Variants in COL11A1 observed in about 807,000 individuals in gnomAD.
The protein encoded by COL11A1 is collagen alpha-1(XI) chain.
Under a neutral mutation model 265.2 loss-of-function variants are expected in COL11A1, and 74 were observed. The ratio of observed to expected loss-of-function variants is 0.28; its 90% CI spans 0.23 to 0.34. The LOEUF (loss-of-function observed/expected upper bound fraction) is 0.34, where lower values mean the gene tolerates loss of function less well. COL11A1 is among the 10% of genes least tolerant of loss of function. The pLI is 1.00. For missense variants in COL11A1, 2,165 were observed against 2,263.6 expected (o/e 0.96, Z 0.88); for synonymous variants, 816 against 727.6 (o/e 1.12, Z -1.96).
rs897563425 is a variant in COL11A1 at position 103,085,414 on chromosome 1, A to G, written c.107-2442T>C. On this transcript the variant is annotated intron_variant, in intron 1 of 66. Coordinates refer to ENST00000370096, the MANE Select transcript of COL11A1 (RefSeq NM_001854.4). ...CAGACTGGGACCATTTAGAGACAGCAATTCTCTGTACACATTTTGGGGATG... is the reference window on the plus strand; with the variant it reads ...CAGACTGGGACCATTTAGAGACAGCGATTCTCTGTACACATTTTGGGGATG... 3.3e-5 allele frequency among the ~76,000 whole-genome samples: 5 copies of G among 152,170 alleles called. No individual in the cohort carries two copies. In the East Asian group the frequency reaches 9.7e-4, roughly 29 times the overall value.
At chr1:103,033,214 C>T (rs565548163) in intron 4 of COL11A1, among the ~76,000 whole-genome samples, 4 of 152,000 alleles carry the variant, frequency 2.6e-5, no homozygotes, top group East Asian at 3.9e-4. Context: ...ATGGACATGC[C>T]GCAGTTTATC....
At chr1:102,956,905 T>C (rs954204128) in intron 41 of COL11A1, among the ~76,000 whole-genome samples, 10 of 151,666 alleles carry the variant, frequency 6.6e-5, no homozygotes, top group Non-Finnish European at 1.0e-4. Context: ...TCAGTTAATA[T>C]TTAAAAAAAT....
intron 37 of COL11A1, among the ~76,000 whole-genome samples, chr1:102,968,139 T>C (rs181916367): frequency 1.5e-3 from 228 of 152,354 alleles, no homozygotes; most frequent in African/African-American, 4.7e-3. Context: ...CAAGTTGTGC[T>C]TGTTCAATAT....
intron 4 of COL11A1, among the ~76,000 whole-genome samples, chr1:103,039,985 T>C (rs1485202867): frequency 6.6e-6 from 1 of 151,816 alleles, no homozygotes; most frequent in African/African-American, 2.4e-5. Flanking sequence ...CACCCCTCAG[T>C]CCACTGAAGA....
chr1:103,008,508 A>T lies in COL11A1; in HGVS notation c.1638T>A (p.Pro546=), dbSNP rs1291975517. The stretch of plus-strand genomic sequence containing the variant: ...TCTCACCTTTGGCCCCAGATGAACC[A>T]GGCCCCCCCTATAGAGAAAAAGTGA... ...LTGRPGPVGG[P]GSSGAKGESG... is the part of the protein sequence containing the mutation. Residue 546 remains proline, a synonymous_variant, in exon 15 of 67, where the codon CCT becomes CCA. Transcript: ENST00000370096. 6.2e-7 allele frequency: 1 copy of T among 1,613,886 alleles called. No homozygotes were observed. Among genetic ancestry groups the T allele is most frequent in the Admixed American group, 1.7e-5 (1 of 60,022 alleles).
intron 1 of COL11A1, among the ~76,000 whole-genome samples, chr1:103,088,491 T>C (rs1673049378): frequency 6.6e-6 from 1 of 152,222 alleles, no homozygotes; most frequent in Non-Finnish European, 1.5e-5. Context: ...TAATTGTACA[T>C]TTTAAATGTT....
Position 103,108,459 on chromosome 1 carries a change from G to A in COL11A1, c.-281C>T, listed in dbSNP as rs1049244959. The A allele has an allele frequency of 1.7e-6, 1 of 597,414 alleles. No individual in the cohort carries two copies. The highest frequency in any genetic ancestry group is 3.0e-6 in the Non-Finnish European group (1 of 336,546). 37.0% of individuals were successfully genotyped at this position (597,414 alleles called of 1,614,324 possible). A position where few individuals can be genotyped will look rare whatever the true frequency, so the allele number is the denominator to read the frequency against. ...GGGCCCTGCCTTCAGAATGAAGGCA[G>A]ATGAGGGGCTTCCACCAACAAGCTG... On this transcript the variant is annotated 5_prime_UTR_variant, in exon 1 of 67. Coordinates refer to ENST00000370096, the MANE Select transcript of COL11A1 (RefSeq NM_001854.4).
chr1:102,890,794 A>G (rs1651672965), intron 57 of COL11A1, among the ~76,000 whole-genome samples: 1 of 152,114 alleles, frequency 6.6e-6, no homozygotes, highest in African/African-American at 2.4e-5. Flanking sequence ...TTTTAAGTAC[A>G]CTAGTTTTGG....
At chr1:102,967,647 C>G (rs1367206690) in intron 37 of COL11A1, among the ~76,000 whole-genome samples, 1 of 152,104 alleles carries the variant, frequency 6.6e-6, no homozygotes, top group African/African-American at 2.4e-5. Flanking sequence ...AAATTCTAGC[C>G]ATGCTGATCT....
Position 102,974,854 on chromosome 1 carries a change from T to C in COL11A1, c.2784A>G (p.Gly928=). 1 of 1,613,532 alleles carries C rather than the reference T, an allele frequency of 6.2e-7. No homozygotes were observed. Among genetic ancestry groups the C allele is most frequent in the Non-Finnish European group, 8.5e-7 (1 of 1,179,610 alleles). Residue 928 remains glycine, a synonymous_variant, in exon 36 of 67, where the codon GGA becomes GGG. Transcript: ENST00000370096. ...CAGGAGGGCCTTTTGGTCCAGGGAA[T>C]CCAACTGGACCCTGAGGTCCTTGAG... ...RGPQGPQGPV[G]FPGPKGPPGP... is the part of the protein sequence containing the mutation.
At chr1:103,048,065 A>T (rs1015712823) in intron 4 of COL11A1, among the ~76,000 whole-genome samples, 4 of 151,902 alleles carry the variant, frequency 2.6e-5, no homozygotes, top group African/African-American at 9.7e-5. Context: ...TAAAATTCTC[A>T]TTTTTGATTG....
intron 1 of COL11A1, among the ~76,000 whole-genome samples, chr1:103,104,158 A>T (rs751982048): frequency 1.8e-4 from 27 of 152,122 alleles, no homozygotes; most frequent in Non-Finnish European, 2.9e-4. Flanking sequence ...ACCTTTTAAA[A>T]ATTCAGCTTG....
chr1:102,965,970 C>A (rs1206398244), intron 37 of COL11A1, among the ~76,000 whole-genome samples: 1 of 152,108 alleles, frequency 6.6e-6, no homozygotes, highest in Admixed American at 6.5e-5. Flanking sequence ...TTCCAAAAAT[C>A]TCATAAAACA....
chr1:102,892,606 T>G (rs2100879459), intron 57 of COL11A1, among the ~76,000 whole-genome samples: 1 of 152,306 alleles, frequency 6.6e-6, no homozygotes, highest in South Asian at 2.1e-4. Flanking sequence ...TGAATGAGGA[T>G]GGGCCCTCCC....
intron 1 of COL11A1, among the ~76,000 whole-genome samples, chr1:103,102,588 T>C (rs1352313907): frequency 6.6e-6 from 1 of 152,028 alleles, no homozygotes; most frequent in Non-Finnish European, 1.5e-5. Context: ...GAATTCCTAA[T>C]GATCACGCCA....
At chr1:103,086,289 C>T (rs1672848745) in intron 1 of COL11A1, among the ~76,000 whole-genome samples, 1 of 149,626 alleles carries the variant, frequency 6.7e-6, no homozygotes, top group South Asian at 2.2e-4. Flanking sequence ...GACATGAACA[C>T]ATCTATGAAG....
intron 42 of COL11A1, among the ~76,000 whole-genome samples, chr1:102,945,857 G>T (rs1179208117): frequency 6.6e-6 from 1 of 151,840 alleles, no homozygotes; most frequent in African/African-American, 2.4e-5. Flanking sequence ...AAATCATGCT[G>T]CCATAAAGAC....
intron 4 of COL11A1, among the ~76,000 whole-genome samples, chr1:103,045,065 A>G (rs1571137482): frequency 6.6e-6 from 1 of 152,136 alleles, no homozygotes; most frequent in East Asian, 1.9e-4. Flanking sequence ...TCCAGGCCCC[A>G]TGGCACAAGC....
rs185920099 is a variant in COL11A1 at position 103,077,095 on chromosome 1, T to C, written c.488+1563A>G. ...GAAGGAATATACAAATGAAAAAAAT[T>C]AATACTACTAGGTATTAACTGTATT... On this transcript the variant is annotated intron_variant, in intron 3 of 66. Transcript: ENST00000370096. Among the ~76,000 whole-genome samples the C allele has an allele frequency of 1.2e-3, 181 of 152,238 alleles. 1 individual carries two copies. Among genetic ancestry groups the C allele is most frequent in the African/African-American group, 4.1e-3 (171 of 41,572 alleles).
Sources: allele counts gnomAD v4.1 joint callset (sites outside exome capture counted in the v4.1 genomes callset), GRCh38; gene constraint gnomAD v4.1.1; transcripts MANE v1.5; gene names NCBI Gene and HGNC (gene_info 2026-07-23, HGNC 2026-07-21).